The following CIBAR2 variants were observed in gnomAD, a reference collection of about 807,000 sequenced individuals.
CIBAR2 encodes CBY1-interacting BAR domain-containing protein 2.
A neutral mutation model predicts 36.2 loss-of-function variants in CIBAR2; 38 were observed. The ratio of observed to expected loss-of-function variants is 1.05; its 90% CI spans 0.81 to 1.38. The LOEUF (loss-of-function observed/expected upper bound fraction) is 1.38. Ranked by LOEUF, CIBAR2 falls within the 40% of genes most tolerant of loss-of-function variation. The pLI, the probability that CIBAR2 is intolerant of heterozygous loss-of-function variation, is 0.00. For synonymous variants in CIBAR2, 182 were observed against 149.5 expected (o/e 1.22, Z -1.58); for missense variants, 481 against 383.4 (o/e 1.25, Z -2.13).
chr16:85,101,752 C>G (rs2073957289), intron 7 of CIBAR2, among the ~76,000 whole-genome samples: 1 of 151,958 alleles, frequency 6.6e-6, no homozygotes, highest in Admixed American at 6.6e-5. Flanking sequence ...TCACTGCAAC[C>G]TCCACCTCCC....
chr16:85,100,063 C>T, intron 8 of CIBAR2, 76 bp downstream of exon 8: 1 of 1,152,998 alleles, frequency 8.7e-7, no homozygotes, highest in Non-Finnish European at 1.2e-6. Flanking sequence ...CCTCTAATCC[C>T]TGGGGTTACT....
Position 85,112,423 on chromosome 16 carries a change from G to A in CIBAR2, c.-71C>T. On this transcript the variant is annotated 5_prime_UTR_variant, in exon 1 of 9. Transcript: ENST00000539556. Reference sequence around the variant, plus strand: ...GGCCCCAGGGGTCCTGCAGGCCTGGGAGGAGCCGGGCAGGGCTGGGTGCAG... The same window carrying A: ...GGCCCCAGGGGTCCTGCAGGCCTGGAAGGAGCCGGGCAGGGCTGGGTGCAG... 1.3e-5 allele frequency: 20 copies of A among 1,491,784 alleles called. No homozygotes were observed. The South Asian group carries it at 1.8e-4, about 13-fold the overall frequency. The allele number at this position is 1,491,784 out of a possible 1,614,324, so 92.4% of individuals were successfully genotyped here.
In CIBAR2 at chr16:85,105,434, G is replaced by A; in HGVS notation, c.433-3C>T. On this transcript the variant is annotated splice_polypyrimidine_tract_variant and splice_region_variant and intron_variant, in intron 5 of 8. Coordinates refer to ENST00000539556, the MANE Select transcript of CIBAR2 (RefSeq NM_198491.3). The stretch of plus-strand genomic sequence containing the variant: ...GCCCTCTGCACTCTGGTCTCTGCCT[G>A]GCCCCAGGGACACAAGACGTAGAAA... 6.2e-7 allele frequency: 1 copy of A among 1,610,822 alleles called. No homozygotes were observed. Among genetic ancestry groups the A allele is most frequent in the East Asian group, 2.2e-5 (1 of 44,870 alleles).
Position 85,098,909 on chromosome 16 carries a change from G to A in CIBAR2, c.*276C>T. On this transcript the variant is annotated 3_prime_UTR_variant, in exon 9 of 9. Transcript: ENST00000539556. Reference sequence around the variant, plus strand: ...GACTTTCCCAAGGTCACACCGCCGGGAGCAGTGGGCTCGGACCAAGAAATA... The same window carrying A: ...GACTTTCCCAAGGTCACACCGCCGGAAGCAGTGGGCTCGGACCAAGAAATA... 3.4e-6 allele frequency: 1 copy of A among 296,798 alleles called. No individual in the cohort carries two copies. Among genetic ancestry groups the A allele is most frequent in the Non-Finnish European group, 6.0e-6 (1 of 167,978 alleles). The allele number at this position is 296,798 out of a possible 1,614,324, so 18.4% of individuals were successfully genotyped here. A position where few individuals can be genotyped will look rare whatever the true frequency, so the allele number is the denominator to read the frequency against.
Position 85,112,397 on chromosome 16 carries a change from G to A in CIBAR2, c.-45C>T. 2 of 1,598,942 alleles carry A rather than the reference G, an allele frequency of 1.3e-6. No individual in the cohort carries two copies. Among genetic ancestry groups the A allele is most frequent in the Middle Eastern group, 1.7e-4 (1 of 6,012 alleles). ...GTCCCGGTGCTGGGGAATAAGGACA[G>A]GGCCCCAGGGGTCCTGCAGGCCTGG... On this transcript the variant is annotated 5_prime_UTR_variant, in exon 1 of 9. Coordinates refer to ENST00000539556, the MANE Select transcript of CIBAR2 (RefSeq NM_198491.3).
chr16:85,100,995 G>A (rs565436949), intron 7 of CIBAR2, among the ~76,000 whole-genome samples: 4 of 151,414 alleles, frequency 2.6e-5, no homozygotes, highest in South Asian at 2.1e-4. Context: ...GCAGTGAGCC[G>A]AGATAGTGCC....
chr16:85,110,535 G>C, intron 1 of CIBAR2, 75 bp from the exon 2 acceptor site: 7 of 1,181,580 alleles, frequency 5.9e-6, no homozygotes, highest in Non-Finnish European at 7.1e-6. Flanking sequence ...GCAGACAATA[G>C]CTATGAAAAC....
Position 85,105,422 on chromosome 16 carries a change from T to C in CIBAR2, c.442A>G (p.Arg148Gly). The C allele has an allele frequency of 6.2e-7, 1 of 1,613,356 alleles. No homozygotes were observed. Reference protein sequence around the residue: ...DQQMISQAETRVQRAAVDSSR... With the variant: ...DQQMISQAETGVQRAAVDSSR... The stretch of plus-strand genomic sequence containing the variant: ...GAGTCCACAGCGGCCCTCTGCACTC[T>C]GGTCTCTGCCTGGCCCCAGGGACAC... Residue 148 changes from arginine to glycine, a missense_variant, in exon 6 of 9, where the codon AGA becomes GGA. Transcript: ENST00000539556.
At position 85,107,901 on chromosome 16, in the gene CIBAR2, T is replaced by A; in HGVS notation, c.371A>T (p.Gln124Leu). Reference sequence around the variant, plus strand: ...CCTCAGTTTCTCCAGTTTTTCCAGTTGTTTGATCTCATGATTTTGGACATG... The same window carrying A: ...CCTCAGTTTCTCCAGTTTTTCCAGTAGTTTGATCTCATGATTTTGGACATG... ...FKHVQNHEIK[Q>L]LEKLEKLRQK... Residue 124 changes from glutamine to leucine, a missense_variant, in exon 4 of 9, where the codon CAA becomes CTA. By Grantham distance (113) the Gln-to-Leu change is moderately radical. Coordinates refer to ENST00000539556, the MANE Select transcript of CIBAR2 (RefSeq NM_198491.3). 2 of 1,614,182 alleles carry A rather than the reference T, an allele frequency of 1.2e-6. No individual in the cohort carries two copies. Among genetic ancestry groups the A allele is most frequent in the Non-Finnish European group, 1.7e-6 (2 of 1,179,996 alleles).
At position 85,098,784 on chromosome 16, in the gene CIBAR2, G is replaced by A. The variant is rs889322521; in HGVS notation, c.*401C>T. 1.3e-5 allele frequency: 4 copies of A among 296,480 alleles called. No homozygotes were observed. Among genetic ancestry groups the A allele is most frequent in the Non-Finnish European group, 2.0e-5 (4 of 199,990 alleles). 18.4% of individuals were successfully genotyped at this position (296,480 alleles called of 1,614,324 possible). On this transcript the variant is annotated 3_prime_UTR_variant, in exon 9 of 9. Transcript: ENST00000539556. ...CAACAGGCCGGGTTTTCTGTGCTTC[G>A]TATAGATCTGTTCATCTGATACTCA...
At position 85,102,299 on chromosome 16, in the gene CIBAR2, TCAATAGTTA is replaced by T; in HGVS notation, c.557_565del (p.Val186_Ile188del). 1.2e-6 allele frequency: 2 copies of T among 1,613,080 alleles called. No homozygotes were observed. The highest frequency in any genetic ancestry group is 8.5e-7 in the Non-Finnish European group (1 of 1,179,260). On this transcript the variant is annotated inframe_deletion, in exon 7 of 9. Coordinates refer to ENST00000539556, the MANE Select transcript of CIBAR2 (RefSeq NM_198491.3). Reference sequence around the variant, plus strand: ...CACCGCTTTGGCATGGAAAACCATCTCAATAGTTACAAAGTCACAAAAAAATTTCTGTGG... The same window carrying T: ...CACCGCTTTGGCATGGAAAACCATCTCAAAGTCACAAAAAAATTTCTGTGG...
At chr16:85,100,035 C>T (rs1051606471) in intron 8 of CIBAR2, 104 bp downstream of exon 8, 11 of 864,212 alleles carry the variant, frequency 1.3e-5, no homozygotes, top group South Asian at 1.8e-5. Context: ...ATTTCAAATT[C>T]GAGTTCTCAG....
intron 7 of CIBAR2, among the ~76,000 whole-genome samples, chr16:85,101,120 C>T (rs1273882630): frequency 3.3e-5 from 5 of 152,022 alleles, no homozygotes; most frequent in South Asian, 4.2e-4. Context: ...ATGGAAAAGC[C>T]GTGGGCAGCC....
intron 6 of CIBAR2, among the ~76,000 whole-genome samples, chr16:85,103,325 G>A (rs1394325639): frequency 1.3e-5 from 2 of 152,182 alleles, no homozygotes; most frequent in African/African-American, 2.4e-5. Context: ...CTCCAACACC[G>A]TGAGAAATAA....
At chr16:85,103,203 G>A (rs2073969191) in intron 6 of CIBAR2, among the ~76,000 whole-genome samples, 1 of 152,144 alleles carries the variant, frequency 6.6e-6, no homozygotes, top group African/African-American at 2.4e-5. Context: ...AGACTGGAGG[G>A]AGCTTTTCTG....
At position 85,110,281 on chromosome 16, in the gene CIBAR2, G is replaced by A; in HGVS notation, c.200C>T (p.Thr67Ile). Residue 67 changes from threonine (T) to isoleucine (I), a missense_variant, in exon 2 of 9, where the codon ACC (threonine) becomes ATC (isoleucine). Physicochemically the swap from Thr to Ile is moderately conservative, Grantham distance 89. Coordinates refer to ENST00000539556, the MANE Select transcript of CIBAR2 (RefSeq NM_198491.3). ...CAGGTCCTCAGCGAAGCCCCTCATGGTGGCCCGCAGCTCGGGGTTCTCGGA... is the reference window on the plus strand; with the variant it reads ...CAGGTCCTCAGCGAAGCCCCTCATGATGGCCCGCAGCTCGGGGTTCTCGGA... ...ANSENPELRA[T>I]MRGFAEDLAK... The A allele has an allele frequency of 6.2e-7, 1 of 1,608,822 alleles. No homozygotes were observed. The highest frequency in any genetic ancestry group is 8.5e-7 in the Non-Finnish European group (1 of 1,176,748).
chr16:85,099,443 C>A (rs557620182), intron 8 of CIBAR2, 97 bp from the exon 9 acceptor site: 7 of 755,460 alleles, frequency 9.3e-6, no homozygotes, highest in Non-Finnish European at 1.6e-5. Context: ...CTCTGAGGAA[C>A]CCTGGATTCT....
chr16:85,103,053 C>A (rs372094413), intron 6 of CIBAR2, among the ~76,000 whole-genome samples: 1 of 152,100 alleles, frequency 6.6e-6, no homozygotes, highest in Non-Finnish European at 1.5e-5. Context: ...AGATGTGTGC[C>A]ACCACGCCTG....
At chr16:85,108,143 C>A in intron 2 of CIBAR2, 44 bp from the exon 3 acceptor site, 15 of 1,554,002 alleles carry the variant, frequency 9.7e-6, no homozygotes, top group Non-Finnish European at 1.3e-5. Context: ...CAGGGTGCTG[C>A]CTGCCTCCAG....
Sources: allele counts gnomAD v4.1 joint callset (sites outside exome capture counted in the v4.1 genomes callset), GRCh38; gene constraint gnomAD v4.1.1; transcripts MANE v1.5; gene names NCBI Gene and HGNC (gene_info 2026-07-23, HGNC 2026-07-21).